VGLL4: variants seen among roughly 807,000 people sequenced by gnomAD.
VGLL4 encodes the protein vestigial like family member 4, also known as transcription cofactor vestigial-like protein 4.
A neutral mutation model predicts 21.0 loss-of-function variants in VGLL4; 7 were observed. The ratio of observed to expected loss-of-function variants is 0.33; its 90% CI spans 0.19 to 0.63. The LOEUF (loss-of-function observed/expected upper bound fraction) is 0.63, where lower values mean the gene tolerates loss of function less well. VGLL4 is among the 20% of genes least tolerant of loss of function. The pLI, the probability that VGLL4 is intolerant of heterozygous loss-of-function variation, is 0.78. For missense variants in VGLL4, 394 were observed against 425.7 expected (o/e 0.93, Z 0.66); for synonymous variants, 222 against 173.2 (o/e 1.28, Z -2.21).
In VGLL4 at chr3:11,570,100, C is replaced by A. The variant is rs148563961; in HGVS notation, c.273-5081G>T. 7.8e-3 allele frequency among the ~76,000 whole-genome samples: 1,185 copies of A among 152,214 alleles called. 10 individuals are homozygous for A. The highest frequency in any genetic ancestry group is 0.017 in the South Asian group (81 of 4,808). ...TGCCCCCTGGGGTTTCTGATGTGCA[C>A]AGGGCAGGTCAGCACCATCCCAGTT... On this transcript the variant is annotated intron_variant, in intron 2 of 4. Coordinates refer to ENST00000430365, the MANE Select transcript of VGLL4 (RefSeq NM_001128219.3).
intron 2 of VGLL4, among the ~76,000 whole-genome samples, chr3:11,685,326 G>A (rs1012500503): frequency 3.3e-5 from 5 of 151,746 alleles, no homozygotes; most frequent in South Asian, 2.1e-4. Flanking sequence ...AGCCTCCTGA[G>A]TAGCTGGGAA....
chr3:11,695,076 A>C (rs1385221309), intron 2 of VGLL4, among the ~76,000 whole-genome samples: 1 of 137,232 alleles, frequency 7.3e-6, no homozygotes, highest in Non-Finnish European at 1.5e-5. Flanking sequence ...TTTGAAATGG[A>C]GTCTCACTCT....
chr3:11,673,130 C>T (rs1447444568), intron 2 of VGLL4, among the ~76,000 whole-genome samples: 1 of 152,080 alleles, frequency 6.6e-6, no homozygotes, highest in Admixed American at 6.6e-5. Context: ...CTTCCCTGCC[C>T]TTAATCACAA....
chr3:11,671,401 G>GC (rs745830901), intron 2 of VGLL4: 66 of 844,462 alleles, frequency 7.8e-5, no homozygotes, highest in Middle Eastern at 2.2e-4. Flanking sequence ...GACGCTGTGG[G>GC]CCACATGTAA....
intron 2 of VGLL4, among the ~76,000 whole-genome samples, chr3:11,571,387 A>G (rs2073768959): frequency 6.6e-6 from 1 of 152,194 alleles, no homozygotes; most frequent in African/African-American, 2.4e-5. Flanking sequence ...TTCCCCCATT[A>G]ACTCTCCATA....
At chr3:11,558,978 G>A (rs2072705390) in intron 4 of VGLL4, 151 bp from the exon 5 acceptor site, 1 of 968,190 alleles carries the variant, frequency 1.0e-6, no homozygotes, top group Non-Finnish European at 1.5e-6. Flanking sequence ...CCCCGGCTAA[G>A]TCAGGCACTT....
intron 2 of VGLL4, among the ~76,000 whole-genome samples, chr3:11,693,911 AT>A (rs2076568235): frequency 6.6e-6 from 1 of 152,114 alleles, no homozygotes; most frequent in Non-Finnish European, 1.5e-5. Context: ...TGTTTTTTTA[AT>A]CAGCAGAAAA....
chr3:11,592,164 A>G (rs532506677), intron 2 of VGLL4, among the ~76,000 whole-genome samples: 38 of 152,328 alleles, frequency 2.5e-4, no homozygotes, highest in African/African-American at 8.7e-4. Context: ...ATCTAGAGGG[A>G]AAAAAAACAC....
At chr3:11,579,636 C>A (rs2074167955) in intron 2 of VGLL4, among the ~76,000 whole-genome samples, 2 of 152,086 alleles carry the variant, frequency 1.3e-5, no homozygotes, top group Admixed American at 1.3e-4. Flanking sequence ...GAAGTGGCAT[C>A]TCTTCCCCCA....
intron 1 of VGLL4, among the ~76,000 whole-genome samples, chr3:11,602,535 G>A (rs2074832043): frequency 1.3e-5 from 2 of 151,890 alleles, no homozygotes; most frequent in Admixed American, 6.6e-5. Context: ...CATTTGTACC[G>A]AAAGTTAAAA....
chr3:11,720,246 G>T (rs1428083513), intron 1 of VGLL4: 2 of 151,170 alleles, frequency 1.3e-5, no homozygotes, highest in African/African-American at 4.9e-5. Flanking sequence ...GGATAAGGGC[G>T]CACCACCCGC....
chr3:11,583,277 AAAGAC>A lies in VGLL4; in HGVS notation c.273-18263_273-18259del, dbSNP rs150002790. Among the ~76,000 whole-genome samples the A allele has an allele frequency of 2.0e-3, 303 of 152,348 alleles. 1 individual carries two copies. The highest frequency in any genetic ancestry group is 7.0e-3 in the African/African-American group (291 of 41,576). On this transcript the variant is annotated intron_variant, in intron 2 of 4. Coordinates refer to ENST00000430365, the MANE Select transcript of VGLL4 (RefSeq NM_001128219.3). ...TTATAAACCAGAGGTTCTAATTATA[AAAGAC>A]AAGATAAAAGCAGATTATGAAAATA...
chr3:11,664,622 G>C (rs1359697120), intron 2 of VGLL4, among the ~76,000 whole-genome samples: 1 of 152,166 alleles, frequency 6.6e-6, no homozygotes, highest in Non-Finnish European at 1.5e-5. Context: ...TGAATAACGT[G>C]GGACTGTGCA....
At chr3:11,587,384 T>C (rs1259916297) in intron 2 of VGLL4, among the ~76,000 whole-genome samples, 1 of 152,248 alleles carries the variant, frequency 6.6e-6, no homozygotes, top group African/African-American at 2.4e-5. Context: ...GGAGTGTCTG[T>C]GTTTCTATCA....
Position 11,556,799 on chromosome 3 carries a change from T to C in VGLL4, c.*1757A>G, listed in dbSNP as rs898300582. 3 of 152,806 alleles carry C rather than the reference T, an allele frequency of 2.0e-5. No individual in the cohort carries two copies. The highest frequency in any genetic ancestry group is 4.4e-5 in the Non-Finnish European group (3 of 68,042). 9.5% of individuals were successfully genotyped at this position (152,806 alleles called of 1,614,324 possible). A position where few individuals can be genotyped will look rare whatever the true frequency, so the allele number is the denominator to read the frequency against. The stretch of plus-strand genomic sequence containing the variant: ...ATATAGAAAAGTGTTCTCAACGATT[T>C]TTCCTACAGAAAATATAGGGGCCTG... On this transcript the variant is annotated 3_prime_UTR_variant, in exon 5 of 5. Transcript: ENST00000430365.
intron 2 of VGLL4, among the ~76,000 whole-genome samples, chr3:11,681,460 G>A (rs575481050): frequency 2.2e-4 from 34 of 152,324 alleles, no homozygotes; most frequent in East Asian, 5.8e-4. Context: ...TAGGCTCGGC[G>A]TTGGGAGCCC....
intron 4 of VGLL4, 144 bp from the exon 5 acceptor site, chr3:11,558,971 C>T (rs1343404727): frequency 6.8e-6 from 7 of 1,026,744 alleles, no homozygotes; most frequent in East Asian, 5.2e-5. Flanking sequence ...CCACCTCCCC[C>T]GGCTAAGTCA....
At chr3:11,582,886 C>T (rs1191718710) in intron 2 of VGLL4, among the ~76,000 whole-genome samples, 1 of 152,164 alleles carries the variant, frequency 6.6e-6, no homozygotes, top group African/African-American at 2.4e-5. Context: ...CCAGCAGAAC[C>T]CTAGGTGAGA....
intron 1 of VGLL4, among the ~76,000 whole-genome samples, chr3:11,715,977 G>A (rs576881742): frequency 1.1e-4 from 16 of 151,904 alleles, no homozygotes; most frequent in African/African-American, 2.7e-4. Flanking sequence ...CCATACTTAC[G>A]GGCCACTGTA....
Sources: gnomAD v4.1 joint callset for allele counts (sites outside exome capture counted in the v4.1 genomes callset) on GRCh38, gnomAD v4.1.1 for gene constraint, MANE v1.5 for transcripts, NCBI Gene and HGNC (gene_info 2026-07-23, HGNC 2026-07-21) for gene names.